CACTIN: variants seen among roughly 807,000 people sequenced by gnomAD.
The protein encoded by CACTIN is cactin, spliceosome C complex subunit, also known as splicing factor Cactin.
In CACTIN, 20 loss-of-function variants were observed where a neutral mutation model predicts 84.9. The ratio of observed to expected loss-of-function variants is 0.24; its 90% confidence interval spans 0.17 to 0.34. The LOEUF is 0.34. CACTIN is among the 10% of genes least tolerant of loss of function. The probability of loss-of-function intolerance (pLI) is 1.00; values close to 1 mark genes in which losing one functional copy is unlikely to be tolerated. For synonymous variants in CACTIN, 549 were observed against 467.9 expected (o/e 1.17, Z -2.24); for missense variants, 897 against 1,117.2 (o/e 0.80, Z 2.81).
Position 3,617,727 on chromosome 19 carries a change from C to T in CACTIN, c.1162+1148G>A, listed in dbSNP as rs942585021. 5.3e-5 allele frequency among the ~76,000 whole-genome samples: 8 copies of T among 152,290 alleles called. No homozygotes were observed. The Middle Eastern group carries it at 0.01, about 194-fold the overall frequency. On this transcript the variant is annotated intron_variant, in intron 6 of 9. Coordinates refer to ENST00000429344, the MANE Select transcript of CACTIN (RefSeq NM_001080543.2). The stretch of plus-strand genomic sequence containing the variant: ...GCGGCTTCTGAAGGAAAATGTACTG[C>T]ACCCAGAAGTCTTTGCCCAGCCCCG...
chr19:3,617,056 G>A (rs1269317981), intron 6 of CACTIN, among the ~76,000 whole-genome samples: 2 of 152,194 alleles, frequency 1.3e-5, no homozygotes, highest in Non-Finnish European at 1.5e-5. Flanking sequence ...GGGAGGCAGA[G>A]GTCACAGTGA....
At chr19:3,624,604 T>C (rs1290393845) in intron 1 of CACTIN, among the ~76,000 whole-genome samples, 1 of 151,840 alleles carries the variant, frequency 6.6e-6, no homozygotes, top group Non-Finnish European at 1.5e-5. Flanking sequence ...GGAGGCTGTA[T>C]GGCTGAGACA....
rs1335368427 is a variant in CACTIN, at chr19:3,620,348, G to A, written c.739-76C>T. 2.1e-6 allele frequency: 3 copies of A among 1,461,624 alleles called. No individual in the cohort carries two copies. The South Asian group carries it at 3.6e-5, about 18-fold the overall frequency. 90.5% of individuals were successfully genotyped at this position (1,461,624 alleles called of 1,614,324 possible). A position where few individuals can be genotyped will look rare whatever the true frequency, so the allele number is the denominator to read the frequency against. On this transcript the variant is annotated intron_variant, in intron 3 of 9. Transcript: ENST00000429344. ...TGCGGGGGGAGGGGCTGTGATGATGGGGGCCCAGCCTTCACCCAGCTGCCC... is the reference window on the plus strand; with the variant it reads ...TGCGGGGGGAGGGGCTGTGATGATGAGGGCCCAGCCTTCACCCAGCTGCCC...
chr19:3,614,263 C>T (rs2033053647), intron 7 of CACTIN, 134 bp downstream of exon 7: 17 of 929,486 alleles, frequency 1.8e-5, no homozygotes, highest in East Asian at 7.9e-5. Context: ...CCCGGCCAGT[C>T]GGCACTTTCC....
In CACTIN at chr19:3,615,181, C is replaced by T. The variant is rs1258104257; in HGVS notation, c.1163-592G>A. ...CAGGACAAACAGCTCCCCACCGCCG[C>T]CCCCCATCCTACATGGAGTCTGTCT... On this transcript the variant is annotated intron_variant, in intron 6 of 9. Transcript: ENST00000429344. The surrounding 1 kb of genome is among the most constrained non-coding windows in gnomAD (Gnocchi z 5.2). 1 of 163,456 alleles carries T rather than the reference C, an allele frequency of 6.1e-6. No homozygotes were observed. The highest frequency in any genetic ancestry group is 1.6e-4 in the South Asian group (1 of 6,190). 10.1% of individuals were successfully genotyped at this position (163,456 alleles called of 1,614,324 possible). A position where few individuals can be genotyped will look rare whatever the true frequency, so the allele number is the denominator to read the frequency against.
chr19:3,622,470 GA>G (rs2033244478), intron 2 of CACTIN, among the ~76,000 whole-genome samples: 1 of 151,906 alleles, frequency 6.6e-6, no homozygotes, highest in Admixed American at 6.6e-5. Context: ...CTCATGGGAA[GA>G]GGAACATTTA....
chr19:3,621,888 G>C lies in CACTIN; in HGVS notation c.643-1086C>G, dbSNP rs143461546. On this transcript the variant is annotated intron_variant, in intron 2 of 9. Coordinates refer to ENST00000429344, the MANE Select transcript of CACTIN (RefSeq NM_001080543.2). ...GCTCGTTGTGTTCTCAGACGACATC[G>C]GGCAGAAGCCACCTGGAGACCCCAC... Among the ~76,000 whole-genome samples the C allele has an allele frequency of 5.9e-5, 9 of 152,266 alleles. No homozygotes were observed. The East Asian group carries it at 1.5e-3, about 26-fold the overall frequency.
chr19:3,623,556 C>G (rs2033269191), intron 2 of CACTIN, 132 bp downstream of exon 2: 1 of 751,368 alleles, frequency 1.3e-6, no homozygotes, highest in East Asian at 2.7e-5. Context: ...GCGGCAGAAG[C>G]TTGCTTATGC....
chr19:3,613,655 C>T, intron 7 of CACTIN, 69 bp from the exon 8 acceptor site: 10 of 1,536,196 alleles, frequency 6.5e-6, no homozygotes, highest in Non-Finnish European at 8.7e-6. Context: ...CACCGAGATT[C>T]TCACGCCCCT....
At chr19:3,616,973 T>C (rs1599887841) in intron 6 of CACTIN, among the ~76,000 whole-genome samples, 2 of 151,260 alleles carry the variant, frequency 1.3e-5, no homozygotes, top group Non-Finnish European at 2.9e-5. Context: ...ATACAAAAAT[T>C]AGCTGGGCGT....
In CACTIN at chr19:3,620,153, G is replaced by A. The variant is rs2033192185; in HGVS notation, c.858C>T (p.Asn286=). 1 of 1,611,706 alleles carries A rather than the reference G, an allele frequency of 6.2e-7. No individual in the cohort carries two copies. The change falls in exon 4 of 10, where the codon AAC becomes AAT. Residue 286 remains asparagine, a synonymous_variant. Coordinates refer to ENST00000429344, the MANE Select transcript of CACTIN (RefSeq NM_001080543.2). ...GCAGCTTGGCCTGCTGGAGGTGGAAGTTGTCCTCCTGCTCCTCCCATGTCT... is the reference window on the plus strand; with the variant it reads ...GCAGCTTGGCCTGCTGGAGGTGGAAATTGTCCTCCTGCTCCTCCCATGTCT... ...HFKTWEEQED[N]FHLQQAKLRS... is the part of the protein sequence containing the mutation.
chr19:3,613,651 G>T (rs2033033690), intron 7 of CACTIN, 65 bp from the exon 8 acceptor site: 2 of 1,542,240 alleles, frequency 1.3e-6, no homozygotes. Context: ...CCCCCACCGA[G>T]ATTCTCACGC....
At chr19:3,625,313 T>C (rs953940351) in intron 1 of CACTIN, among the ~76,000 whole-genome samples, 3 of 152,240 alleles carry the variant, frequency 2.0e-5, no homozygotes, top group Non-Finnish European at 2.9e-5. Flanking sequence ...CCCTTAAATA[T>C]TGGCCACAAG....
At position 3,614,599 on chromosome 19, in the gene CACTIN, G is replaced by A. The variant is rs1166584517; in HGVS notation, c.1163-10C>T. 2.5e-6 allele frequency: 4 copies of A among 1,591,294 alleles called. No homozygotes were observed. Among genetic ancestry groups the A allele is most frequent in the African/African-American group, 1.3e-5 (1 of 74,464 alleles). ...CCCTCGCGGCGCTCACCTGCAGCGGGGTGGGGGCATGGGGGGGCGGTTCCA... is the reference window on the plus strand; with the variant it reads ...CCCTCGCGGCGCTCACCTGCAGCGGAGTGGGGGCATGGGGGGGCGGTTCCA... On this transcript the variant is annotated splice_polypyrimidine_tract_variant and intron_variant, in intron 6 of 9. Transcript: ENST00000429344.
rs919412580 is a variant in CACTIN at position 3,618,275 on chromosome 19, G to A, written c.1162+600C>T. On this transcript the variant is annotated intron_variant, in intron 6 of 9. Coordinates refer to ENST00000429344, the MANE Select transcript of CACTIN (RefSeq NM_001080543.2). Reference sequence around the variant, plus strand: ...GGTTGTCAGGACTAGGGGTGCTCCTGACCCTGGGTGGAGGCCAGGGACGTT... The same window carrying A: ...GGTTGTCAGGACTAGGGGTGCTCCTAACCCTGGGTGGAGGCCAGGGACGTT... Among the ~76,000 whole-genome samples the A allele has an allele frequency of 2.0e-4, 30 of 151,836 alleles. 1 individual carries two copies. Among genetic ancestry groups the A allele is most frequent in the Admixed American group, 1.7e-3 (26 of 15,262 alleles).
At chr19:3,612,954 T>TC (rs1389079519) in intron 9 of CACTIN, 104 bp downstream of exon 9, 1 of 1,354,180 alleles carries the variant, frequency 7.4e-7, no homozygotes, top group Middle Eastern at 1.8e-4. Flanking sequence ...AGCAAGCAGC[T>TC]CCCCACTGAC....
rs1599892195 is a variant in CACTIN, at chr19:3,620,738, A to G, written c.707T>C (p.Ile236Thr). Residue 236 changes from isoleucine to threonine, a missense_variant, in exon 3 of 10, where the codon ATC becomes ACC. Physicochemically the swap from Ile to Thr is moderately conservative, Grantham distance 89 (BLOSUM62 -1). Around this residue, in one of 8 missense-constraint regions of CACTIN, gnomAD observed 304 missense variants for 444.3 expected, o/e 0.68. Coordinates refer to ENST00000429344, the MANE Select transcript of CACTIN (RefSeq NM_001080543.2). The part of the protein sequence containing the change: ...EKELKERNKR[I>T]QEDNRLELQK... The stretch of plus-strand genomic sequence containing the variant: ...CAGCTCCAGCCGGTTGTCCTCCTGG[A>G]TCCTCTTGTTCCGCTCCTTCAGCTC... 2 of 1,613,188 alleles carry G rather than the reference A, an allele frequency of 1.2e-6. No homozygotes were observed. Among genetic ancestry groups the G allele is most frequent in the Non-Finnish European group, 1.7e-6 (2 of 1,179,796 alleles).
In CACTIN at chr19:3,612,387, T is replaced by C. The variant is rs2032981325; in HGVS notation, c.1813A>G (p.Ile605Val). The C allele has an allele frequency of 5.0e-6, 8 of 1,602,344 alleles. No individual in the cohort carries two copies. Among genetic ancestry groups the C allele is most frequent in the Non-Finnish European group, 6.0e-6 (7 of 1,176,460 alleles). ...CCCTCCTTGGCCCGCCGGAAGAAGA[T>C]GTCCTCGGCGCTCTCGCTGGCGTCT... ...TGDASESAED[I>V]FFRRAKEGMG... Residue 605 changes from isoleucine to valine, a missense_variant, in exon 10 of 10, where the codon ATC (isoleucine) becomes GTC (valine). Physicochemically the swap from Ile to Val is conservative, Grantham distance 29. Coordinates refer to ENST00000429344, the MANE Select transcript of CACTIN (RefSeq NM_001080543.2).
At chr19:3,618,036 G>C (rs1157738808) in intron 6 of CACTIN, among the ~76,000 whole-genome samples, 3 of 152,222 alleles carry the variant, frequency 2.0e-5, no homozygotes, top group Non-Finnish European at 4.4e-5. Context: ...TGGCACCCAA[G>C]GCCTGAGAGG....
Sources: gnomAD v4.1 joint callset for allele counts (sites outside exome capture counted in the v4.1 genomes callset) on GRCh38, gnomAD v4.1.1 for gene constraint, gnomAD v4.1.1 regional missense constraint, Gnocchi (gnomAD v3.1) non-coding constraint, MANE v1.5 for transcripts, NCBI Gene and HGNC (gene_info 2026-07-23, HGNC 2026-07-21) for gene names.